The following PLA1A variants were observed in gnomAD, a reference collection of about 807,000 sequenced individuals.
The protein encoded by PLA1A is phospholipase A1 member A, also known as phosphatidylserine-specific phospholipase A1alpha.
In PLA1A, 47 loss-of-function variants were observed where a neutral mutation model predicts 49.4. That is an observed-to-expected ratio of 0.95 (90% CI 0.75 to 1.21). PLA1A has a LOEUF of 1.21. Among genes scored for constraint, PLA1A ranks in the 50% most tolerant of loss-of-function variants. The pLI is 0.00. For missense variants in PLA1A, 561 were observed against 563.9 expected, an observed-to-expected ratio of 0.99 and a Z score of 0.05; for synonymous variants, 224 against 207.9, an observed-to-expected ratio of 1.08 and a Z score of -0.67.
In PLA1A at chr3:119,597,931, G is replaced by T. The variant is rs748232168; in HGVS notation, c.18G>T (p.Trp6Cys). The change falls in exon 1 of 11, where the codon TGG becomes TGT. Residue 6 changes from tryptophan (W) to cysteine (C), a missense_variant. Physicochemically the swap from Trp to Cys is radical, Grantham distance 215 (BLOSUM62 -2). Transcript: ENST00000273371. The stretch of plus-strand genomic sequence containing the variant: ...GCTCAGCGATGCCCCCAGGTCCCTG[G>T]GAGAGCTGCTTCTGGGTGGGGGGCC... MPPGP[W>C]ESCFWVGGLI... The T allele has an allele frequency of 4.5e-5, 73 of 1,610,568 alleles. 1 individual carries two copies. The Middle Eastern group carries it at 5.8e-3, about 127-fold the overall frequency.
intron 8 of PLA1A, among the ~76,000 whole-genome samples, chr3:119,622,408 A>G (rs1418574114): frequency 6.6e-6 from 1 of 152,188 alleles, no homozygotes; most frequent in Admixed American, 6.5e-5. Flanking sequence ...GATATCCCAT[A>G]GTAACATCTG....
At chr3:119,626,356 C>T (rs2107801939) in intron 9 of PLA1A, among the ~76,000 whole-genome samples, 1 of 152,344 alleles carries the variant, frequency 6.6e-6, no homozygotes, top group Admixed American at 6.5e-5. Context: ...CCAGTGCACA[C>T]ACACTTAAAT....
intron 8 of PLA1A, among the ~76,000 whole-genome samples, chr3:119,620,518 T>C (rs541735608): frequency 3.3e-5 from 5 of 152,322 alleles, no homozygotes; most frequent in East Asian, 3.9e-4. Context: ...TTACCAGCTG[T>C]GTGATCAGGA....
intron 4 of PLA1A, among the ~76,000 whole-genome samples, chr3:119,610,730 G>A (rs762620730): frequency 1.3e-5 from 2 of 152,142 alleles, no homozygotes; most frequent in African/African-American, 4.8e-5. Context: ...CAGATGCATA[G>A]TTTGTGAATA....
chr3:119,598,385 A>C (rs2082570001), intron 1 of PLA1A, among the ~76,000 whole-genome samples: 1 of 152,136 alleles, frequency 6.6e-6, no homozygotes, highest in Non-Finnish European at 1.5e-5. Flanking sequence ...TTTGTCACTG[A>C]GATTGTTAGA....
intron 9 of PLA1A, among the ~76,000 whole-genome samples, chr3:119,628,470 T>G (rs2052576124): frequency 6.6e-6 from 1 of 152,240 alleles, no homozygotes; most frequent in Non-Finnish European, 1.5e-5. Context: ...TTTGTTGCAG[T>G]GTCCACTTGT....
intron 8 of PLA1A, among the ~76,000 whole-genome samples, chr3:119,624,054 A>C (rs2082983406): frequency 6.6e-6 from 1 of 152,178 alleles, no homozygotes; most frequent in Non-Finnish European, 1.5e-5. Flanking sequence ...TTTATGTCTT[A>C]GTCTACTTGT....
rs112082114 is a variant in PLA1A, at chr3:119,620,013, C to T, written c.1012+361C>T. ...CCTATGTGGTTCTCACCCTGGCAGC[C>T]TCCAAGGTTGGGGTCCCTGGGGAAT... is the stretch of plus-strand genomic sequence containing the variant. On this transcript the variant is annotated intron_variant, in intron 8 of 10. Coordinates refer to ENST00000273371, the MANE Select transcript of PLA1A (RefSeq NM_015900.4). 1,095 of 463,884 alleles carry T rather than the reference C, an allele frequency of 2.4e-3. 10 individuals are homozygous for T. The highest frequency in any genetic ancestry group is 0.02 in the African/African-American group (997 of 50,550). 28.7% of individuals were successfully genotyped at this position (463,884 alleles called of 1,614,324 possible).
At chr3:119,616,801 T>A (rs1160730450) in intron 6 of PLA1A, among the ~76,000 whole-genome samples, 1 of 152,276 alleles carries the variant, frequency 6.6e-6, no homozygotes, top group South Asian at 2.1e-4. Context: ...AATTTGCGAA[T>A]TTCTCAGCAA....
At chr3:119,613,240 A>C in intron 5 of PLA1A, 122 bp downstream of exon 5, 1 of 615,496 alleles carries the variant, frequency 1.6e-6, no homozygotes, top group Non-Finnish European at 2.9e-6. Flanking sequence ...TCTGTTGCAC[A>C]GTGAAGAGTT....
intron 5 of PLA1A, among the ~76,000 whole-genome samples, chr3:119,614,285 A>G (rs1355116510): frequency 1.3e-5 from 2 of 152,166 alleles, no homozygotes; most frequent in African/African-American, 4.8e-5. Flanking sequence ...TAGCTATGTT[A>G]GGTGAGTTAA....
intron 2 of PLA1A, among the ~76,000 whole-genome samples, chr3:119,608,015 G>T (rs546021293): frequency 6.6e-6 from 1 of 152,240 alleles, no homozygotes; most frequent in Non-Finnish European, 1.5e-5. Context: ...TCCTGGAAAA[G>T]TCCCACTATA....
intron 8 of PLA1A, among the ~76,000 whole-genome samples, chr3:119,622,155 A>AG (rs2082946733): frequency 2.1e-5 from 1 of 47,270 alleles, no homozygotes; most frequent in African/African-American, 9.4e-5. Context: ...AGGAGGAAGA[A>AG]GAAGAAGAAG....
intron 7 of PLA1A, among the ~76,000 whole-genome samples, chr3:119,619,210 T>C (rs1013548162): frequency 6.6e-6 from 1 of 152,182 alleles, no homozygotes; most frequent in South Asian, 2.1e-4. Context: ...GTCAAACACT[T>C]CCTGCTTCAC....
At chr3:119,605,088 A>G in intron 1 of PLA1A, among the ~76,000 whole-genome samples, 1 of 152,238 alleles carries the variant, frequency 6.6e-6, no homozygotes, top group East Asian at 1.9e-4. Flanking sequence ...TCTCATGCTG[A>G]AACACAGTCT....
intron 7 of PLA1A, 55 bp downstream of exon 7, chr3:119,618,241 C>A: frequency 7.0e-7 from 1 of 1,427,220 alleles, no homozygotes; most frequent in Non-Finnish European, 9.7e-7. Flanking sequence ...TCAAGCCCTG[C>A]TAGTTGTCCC....
At chr3:119,606,562 T>G (rs2082690945) in intron 1 of PLA1A, among the ~76,000 whole-genome samples, 1 of 152,234 alleles carries the variant, frequency 6.6e-6, no homozygotes, top group South Asian at 2.1e-4. Flanking sequence ...TTCTCTGCTA[T>G]TTTGTCCTTA....
chr3:119,628,627 C>CCA, intron 9 of PLA1A, 74 bp from the exon 10 acceptor site: 1 of 1,406,404 alleles, frequency 7.1e-7, no homozygotes. Context: ...CAGCAGAGCC[C>CCA]GATCGGAGCC....
intron 2 of PLA1A, 89 bp from the exon 3 acceptor site, chr3:119,608,681 T>C: frequency 9.9e-7 from 1 of 1,011,000 alleles, no homozygotes; most frequent in Non-Finnish European, 1.5e-6. Context: ...TTGATTTCTT[T>C]TCTGGGTTTG....
Sources: gnomAD v4.1 joint callset for allele counts (sites outside exome capture counted in the v4.1 genomes callset) on GRCh38, gnomAD v4.1.1 for gene constraint, MANE v1.5 for transcripts, NCBI Gene and HGNC (gene_info 2026-07-23, HGNC 2026-07-21) for gene names.